CLCNKB: variants seen among roughly 807,000 people sequenced by gnomAD.
The protein encoded by CLCNKB is chloride channel protein ClC-Kb.
Under a neutral mutation model 83.8 loss-of-function variants are expected in CLCNKB, and 74 were observed. The observed-to-expected ratio is 0.88, with a 90% CI of 0.73 to 1.07. The LOEUF (loss-of-function observed/expected upper bound fraction) is 1.07, where lower values mean the gene tolerates loss of function less well. Among genes scored for constraint, CLCNKB ranks in the 50% least tolerant of loss-of-function variants. The pLI, the probability that CLCNKB is intolerant of heterozygous loss-of-function variation, is 0.00. For synonymous variants in CLCNKB, 358 were observed against 356.6 expected (o/e 1.00, Z -0.04); for missense variants, 798 against 893.6 (o/e 0.89, Z 1.36).
chr1:16,045,584 C>A lies in CLCNKB; in HGVS notation c.127C>A (p.Leu43Ile), dbSNP rs148698605. 6.2e-7 allele frequency: 1 copy of A among 1,613,908 alleles called. No individual in the cohort carries two copies. The highest frequency in any genetic ancestry group is 8.5e-7 in the Non-Finnish European group (1 of 1,179,822). The stretch of plus-strand genomic sequence containing the variant: ...TGGCCTGGAGTGGCTGAAGCAGAAG[C>A]TCTTCCGCCTGGGCGAGGACTGGTA... ...RGGLEWLKQK[L>I]FRLGEDWYFL... The change falls in exon 3 of 20, where the codon CTC becomes ATC. Residue 43 changes from leucine to isoleucine, a missense_variant. Leu to Ile is a conservative substitution (Grantham distance 5). Coordinates refer to ENST00000375679, the MANE Select transcript of CLCNKB (RefSeq NM_000085.5).
chr1:16,047,329 G>A (rs181594140), intron 4 of CLCNKB, among the ~76,000 whole-genome samples: 310 of 152,168 alleles, frequency 2.0e-3, no homozygotes, highest in African/African-American at 7.1e-3. Flanking sequence ...CCCGTGGTCC[G>A]AGCTACTCAG....
chr1:16,044,817 C>G (rs1415309618), intron 2 of CLCNKB, among the ~76,000 whole-genome samples: 1 of 152,222 alleles, frequency 6.6e-6, no homozygotes, highest in Non-Finnish European at 1.5e-5. Flanking sequence ...TCGGGAGATA[C>G]AGCCCAAGGC....
Position 16,049,645 on chromosome 1 carries a change from G to C in CLCNKB, c.809G>C (p.Ser270Thr). Residue 270 changes from serine (S) to threonine (T), a missense_variant, in exon 9 of 20, where the codon AGT becomes ACT. Ser to Thr is a moderately conservative substitution (Grantham distance 58, BLOSUM62 1). Transcript: ENST00000375679. Reference protein sequence around the residue: ...QETITSLYKTSFRVDVPFDLP... With the variant: ...QETITSLYKTTFRVDVPFDLP... ...ACCATCACCTCCCTCTACAAGACCA[G>C]TTTCCGGGTGGACGTTCCCTTCGAC... 1.2e-6 allele frequency: 2 copies of C among 1,609,440 alleles called. No individual in the cohort carries two copies. Among genetic ancestry groups the C allele is most frequent in the Non-Finnish European group, 1.7e-6 (2 of 1,177,850 alleles).
rs906224802 is a variant in CLCNKB, at chr1:16,056,316, A to C, written c.1930-106A>C. The C allele has an allele frequency of 1.5e-5, 17 of 1,138,332 alleles. No individual in the cohort carries two copies. The African/African-American group carries it at 2.0e-4, about 13-fold the overall frequency. The allele number at this position is 1,138,332 out of a possible 1,614,324, so 70.5% of individuals were successfully genotyped here. A position where few individuals can be genotyped will look rare whatever the true frequency, so the allele number is the denominator to read the frequency against. On this transcript the variant is annotated intron_variant, in intron 18 of 19. Transcript: ENST00000375679. ...GGCCTGGGTCTCTTGTCTCCCACAC[A>C]CATCAGGCCCCGCCCCTCTTCCTGG...
intron 4 of CLCNKB, among the ~76,000 whole-genome samples, chr1:16,047,401 C>T (rs1481622674): frequency 1.3e-5 from 2 of 152,068 alleles, no homozygotes; most frequent in Admixed American, 6.5e-5. Context: ...GCAGTGTTTG[C>T]ACCACTGTAC....
At position 16,056,921 on chromosome 1, in the gene CLCNKB, G is replaced by A. The variant is rs1418972094; in HGVS notation, c.*5G>A. On this transcript the variant is annotated 3_prime_UTR_variant, in exon 20 of 20. Coordinates refer to ENST00000375679, the MANE Select transcript of CLCNKB (RefSeq NM_000085.5). ...AATCCGCCAGCCCCAAAGTGAGCCG[G>A]CCCAGCAAGATGAAACAGGGCACCC... is the stretch of plus-strand genomic sequence containing the variant. 6.2e-7 allele frequency: 1 copy of A among 1,611,758 alleles called. No homozygotes were observed. The highest frequency in any genetic ancestry group is 1.3e-5 in the African/African-American group (1 of 74,160).
rs34119714 is a variant in CLCNKB, at chr1:16,053,538, C to T, written c.1623-101C>T. The T allele has an allele frequency of 0.025, 38,990 of 1,555,722 alleles. 637 individuals carry two copies. Among genetic ancestry groups the T allele is most frequent in the Middle Eastern group, 0.045 (268 of 5,978 alleles). ...TCCGGCCCTGCCCACACTCCAGAGC[C>T]GTGGGTCCCCGGTTCAAGCAAAGCT... On this transcript the variant is annotated intron_variant, in intron 15 of 19. Coordinates refer to ENST00000375679, the MANE Select transcript of CLCNKB (RefSeq NM_000085.5).
In CLCNKB at chr1:16,049,253, C is replaced by T; in HGVS notation, c.781+8C>T. ...TCTTCAACAGCGAGCAGGGTGAGCC[C>T]CCTGGGCTGCCTGACCCTGGCCCTG... is the stretch of plus-strand genomic sequence containing the variant. On this transcript the variant is annotated splice_region_variant and intron_variant, in intron 8 of 19. Transcript: ENST00000375679. 3 of 1,613,366 alleles carry T rather than the reference C, an allele frequency of 1.9e-6. No individual in the cohort carries two copies. The highest frequency in any genetic ancestry group is 2.5e-6 in the Non-Finnish European group (3 of 1,179,802).
In CLCNKB at chr1:16,057,278, G is replaced by C. The variant is rs763293289; in HGVS notation, c.*362G>C. On this transcript the variant is annotated 3_prime_UTR_variant, in exon 20 of 20. Coordinates refer to ENST00000375679, the MANE Select transcript of CLCNKB (RefSeq NM_000085.5). Reference sequence around the variant, plus strand: ...GGGGTTGTCTGGTTCCCAGTGAGAGGCTCCTGAGAAAAATAAAGCTGGTTC... The same window carrying C: ...GGGGTTGTCTGGTTCCCAGTGAGAGCCTCCTGAGAAAAATAAAGCTGGTTC... The C allele has an allele frequency of 3.2e-6, 2 of 616,816 alleles. No homozygotes were observed. The highest frequency in any genetic ancestry group is 6.3e-6 in the Non-Finnish European group (2 of 319,760). The allele number at this position is 616,816 out of a possible 1,614,324, so 38.2% of individuals were successfully genotyped here. A position where few individuals can be genotyped will look rare whatever the true frequency, so the allele number is the denominator to read the frequency against.
chr1:16,046,799 C>A, intron 4 of CLCNKB, 136 bp downstream of exon 4: 1 of 1,124,336 alleles, frequency 8.9e-7, no homozygotes, highest in Non-Finnish European at 1.3e-6. Flanking sequence ...AGGGACACAG[C>A]AAGAAGGCCA....
intron 5 of CLCNKB, 40 bp downstream of exon 5, chr1:16,048,084 C>T: frequency 6.9e-6 from 11 of 1,594,408 alleles, no homozygotes; most frequent in African/African-American, 1.3e-5. Context: ...ACCCTACCCA[C>T]CCCAGCCACC....
rs1557465243 is a variant in CLCNKB at position 16,044,467 on chromosome 1, C to G, written c.-7-19C>G. On this transcript the variant is annotated intron_variant, in intron 1 of 19. Transcript: ENST00000375679. ...GTGCAGCAGCTCACCGCGGTCCCTC[C>G]CTCTATCCGCTTCTCCAGGGGCCTG... 1 of 1,581,478 alleles carries G rather than the reference C, an allele frequency of 6.3e-7. No individual in the cohort carries two copies. The highest frequency in any genetic ancestry group is 1.3e-5 in the African/African-American group (1 of 74,692).
chr1:16,051,942 C>T (rs2023308819), intron 14 of CLCNKB, 122 bp downstream of exon 14: 1 of 888,850 alleles, frequency 1.1e-6, no homozygotes, highest in African/African-American at 1.7e-5. Flanking sequence ...ACCCCCTACC[C>T]CTCATGGGGG....
chr1:16,049,960 C>CAG, intron 10 of CLCNKB, 44 bp downstream of exon 10: 1 of 1,195,892 alleles, frequency 8.4e-7, no homozygotes, highest in Non-Finnish European at 1.1e-6. Context: ...GCGAGCTCCC[C>CAG]CCTCACCGTA....
rs148121380 is a variant in CLCNKB at position 16,056,435 on chromosome 1, T to A, written c.1943T>A (p.Phe648Tyr). Residue 648 changes from phenylalanine to tyrosine, a missense_variant, in exon 19 of 20, where the codon TTT becomes TAT. Transcript: ENST00000375679. ...ETSLHEAHNL[F>Y]ELLNLHSLFV... The stretch of plus-strand genomic sequence containing the variant: ...TCCCCCATCCAGGCACACAACCTCT[T>A]TGAGCTGTTGAACCTTCATTCCCTC... 6.2e-7 allele frequency: 1 copy of A among 1,613,856 alleles called. No homozygotes were observed. Among genetic ancestry groups the A allele is most frequent in the Non-Finnish European group, 8.5e-7 (1 of 1,179,802 alleles).
At position 16,045,569 on chromosome 1, in the gene CLCNKB, T is replaced by C. The variant is rs375301415; in HGVS notation, c.112T>C (p.Trp38Arg). ...ATGCCCTGCCCCAGGTGGCCTGGAGTGGCTGAAGCAGAAGCTCTTCCGCCT... is the reference window on the plus strand; with the variant it reads ...ATGCCCTGCCCCAGGTGGCCTGGAGCGGCTGAAGCAGAAGCTCTTCCGCCT... ...IRRGIRGGLEWLKQKLFRLGE... is the reference protein window; with the variant it reads ...IRRGIRGGLERLKQKLFRLGE... Residue 38 changes from tryptophan to arginine, a missense_variant, in exon 3 of 20, where the codon TGG becomes CGG. Physicochemically the swap from Trp to Arg is moderately radical, Grantham distance 101 (BLOSUM62 -3). Transcript: ENST00000375679. 420 of 1,613,358 alleles carry C rather than the reference T, an allele frequency of 2.6e-4. 1 individual carries two copies. The highest frequency in any genetic ancestry group is 3.4e-4 in the Non-Finnish European group (402 of 1,179,660).
intron 2 of CLCNKB, 129 bp from the exon 3 acceptor site, chr1:16,045,429 C>G (rs2023069617): frequency 8.7e-7 from 1 of 1,152,918 alleles, no homozygotes; most frequent in African/African-American, 1.5e-5. Context: ...TCGGGACTAC[C>G]CCAGAGTATA....
chr1:16,044,186 G>A (rs1274798648), intron 1 of CLCNKB, among the ~76,000 whole-genome samples: 1 of 151,930 alleles, frequency 6.6e-6, no homozygotes. Context: ...GAAGGGGAAG[G>A]GGCTCTGAGC....
At chr1:16,050,021 C>T (rs1300461916) in intron 10 of CLCNKB, 105 bp downstream of exon 10, 1 of 351,128 alleles carries the variant, frequency 2.8e-6, no homozygotes. Flanking sequence ...CCCTAAAGCC[C>T]ATCCTAGCCC....
Sources: allele counts gnomAD v4.1 joint callset (sites outside exome capture counted in the v4.1 genomes callset), GRCh38; gene constraint gnomAD v4.1.1; transcripts MANE v1.5; gene names NCBI Gene and HGNC (gene_info 2026-07-23, HGNC 2026-07-21).